The following KHNYN variants were observed in gnomAD, a reference collection of about 807,000 sequenced individuals.
KHNYN encodes the protein protein KHNYN.
KHNYN carries 42 observed loss-of-function variants against 62.7 expected under a neutral mutation model. That is an observed-to-expected ratio of 0.67 (90% CI 0.52 to 0.87). The LOEUF (loss-of-function observed/expected upper bound fraction) is 0.87, where lower values mean the gene tolerates loss of function less well. Among genes scored for constraint, KHNYN ranks in the 40% least tolerant of loss-of-function variants. The pLI is 0.00. For missense variants in KHNYN, 829 were observed against 874.1 expected (o/e 0.95, Z 0.65); for synonymous variants, 347 against 345.6 (o/e 1.00, Z -0.04).
the KHNYN span, among the ~76,000 whole-genome samples, chr14:24,423,620 G>A: frequency 6.6e-6 from 1 of 152,262 alleles, no homozygotes; most frequent in East Asian, 1.9e-4. Context: ...GGGAACAGAA[G>A]CTGGCAGTGG....
chr14:24,427,337 T>G (rs1159715056), upstream of KHNYN: 2 of 181,868 alleles, frequency 1.1e-5, no homozygotes, highest in African/African-American at 4.8e-5. This position sits in a 1 kb window ranked among gnomAD's most constrained non-coding sequence, Gnocchi z 4.4. Context: ...AGATCCGTGA[T>G]GCTGGCTTTC....
rs754335531 is a variant in KHNYN at position 24,440,161 on chromosome 14, G to A, written c.*2876G>A. ...AGCCAGTGGCCAGTGTTCGCTGTGG[G>A]ATCACCTTCTGGCCCTCCAGCAGCA... is the stretch of plus-strand genomic sequence containing the variant. On this transcript the variant is annotated 3_prime_UTR_variant, in exon 8 of 8. Coordinates refer to ENST00000553935, the MANE Select transcript of KHNYN (RefSeq NM_015299.3). The A allele has an allele frequency of 6.2e-7, 1 of 1,613,748 alleles. No individual in the cohort carries two copies. Among genetic ancestry groups the A allele is most frequent in the East Asian group, 2.2e-5 (1 of 44,876 alleles).
rs759424292 is a variant in KHNYN at position 24,440,547 on chromosome 14, C to T, written c.*3262C>T. The stretch of plus-strand genomic sequence containing the variant: ...GTCCTCTCAGCCTTGAAGGAGCCCA[C>T]TGCTCCTCCTGGTTTCTGTTTCCCC... On this transcript the variant is annotated 3_prime_UTR_variant, in exon 8 of 8. Transcript: ENST00000553935. 73 of 1,528,216 alleles carry T rather than the reference C, an allele frequency of 4.8e-5. No homozygotes were observed. The highest frequency in any genetic ancestry group is 6.9e-5 in the African/African-American group (5 of 72,728). The allele number at this position is 1,528,216 out of a possible 1,614,324, so 94.7% of individuals were successfully genotyped here.
rs1427600422 is a variant in KHNYN, at chr14:24,431,765, G to T, written c.504G>T (p.Leu168=). 2.5e-6 allele frequency: 4 copies of T among 1,614,164 alleles called. No individual in the cohort carries two copies. Among genetic ancestry groups the T allele is most frequent in the Non-Finnish European group, 3.4e-6 (4 of 1,180,042 alleles). The change falls in exon 3 of 8, where the codon CTG becomes CTT. Residue 168 remains leucine (L), a synonymous_variant. Coordinates refer to ENST00000553935, the MANE Select transcript of KHNYN (RefSeq NM_015299.3). ...TGVLRDFSAL[L]QSPGDAHREA... ...TGCTGAGAGACTTCTCTGCCCTGCT[G>T]CAGTCCCCGGGGGATGCCCATAGAG... is the stretch of plus-strand genomic sequence containing the variant.
rs763149727 is a variant in KHNYN at position 24,432,467 on chromosome 14, A to G, written c.1206A>G (p.Arg402=). The change falls in exon 3 of 8, where the codon CGA becomes CGG. Residue 402 remains arginine, a synonymous_variant. Coordinates refer to ENST00000553935, the MANE Select transcript of KHNYN (RefSeq NM_015299.3). This position sits in a 1 kb window ranked among gnomAD's most constrained non-coding sequence, Gnocchi z 5.6. Reference sequence around the variant, plus strand: ...GGGGTCGGGGGCCTCAATGGAAACGAGGCGCCCGAGGGGGCAACTTGGTGA... The same window carrying G: ...GGGGTCGGGGGCCTCAATGGAAACGGGGCGCCCGAGGGGGCAACTTGGTGA... The part of the protein sequence containing the change: ...MARGRGPQWK[R]GARGGNLVTG... 3.1e-6 allele frequency: 5 copies of G among 1,613,260 alleles called. No homozygotes were observed.
chr14:24,428,049 C>G (rs1410844233), upstream of KHNYN: 3 of 1,524,894 alleles, frequency 2.0e-6, no homozygotes, highest in African/African-American at 4.1e-5. Context: ...CCCCACTTTC[C>G]CAGGAGCTTC....
Position 24,432,009 on chromosome 14 carries a change from G to A in KHNYN, c.748G>A (p.Gly250Arg). The change falls in exon 3 of 8, where the codon GGA (glycine) becomes AGA (arginine). Residue 250 changes from glycine to arginine, a missense_variant. Transcript: ENST00000553935. This position sits in a 1 kb window ranked among gnomAD's most constrained non-coding sequence, Gnocchi z 5.6. ...ACCCGGAGATTGCAGGGGAGCAAGG[G>A]GAGACACTTACGCTGTGGAGAAGGA... Reference protein sequence around the residue: ...MGPGDCRGARGDTYAVEKEGG... With the variant: ...MGPGDCRGARRDTYAVEKEGG... The A allele has an allele frequency of 6.2e-7, 1 of 1,610,886 alleles. No homozygotes were observed. The highest frequency in any genetic ancestry group is 8.5e-7 in the Non-Finnish European group (1 of 1,177,924).
Position 24,431,528 on chromosome 14 carries a change from C to G in KHNYN, c.267C>G (p.His89Gln), listed in dbSNP as rs201885994. The stretch of plus-strand genomic sequence containing the variant: ...AAATCCACTACCCGCCCAAACTGCA[C>G]TGCATCTTTCTGGGAGCCCAGGGCT... Reference protein sequence around the residue: ...QDEIHYPPKLHCIFLGAQGFF... With the variant: ...QDEIHYPPKLQCIFLGAQGFF... Residue 89 changes from histidine (H) to glutamine (Q), a missense_variant, in exon 3 of 8, where the codon CAC becomes CAG. Around this residue, in one of 2 missense-constraint regions of KHNYN, gnomAD observed 559 missense variants for 527.0 expected, o/e 1.06. Coordinates refer to ENST00000553935, the MANE Select transcript of KHNYN (RefSeq NM_015299.3). 1 of 1,610,208 alleles carries G rather than the reference C, an allele frequency of 6.2e-7. No individual in the cohort carries two copies. Among genetic ancestry groups the G allele is most frequent in the Non-Finnish European group, 8.5e-7 (1 of 1,176,964 alleles).
Position 24,441,593 on chromosome 14 carries a change from C to G in KHNYN, c.*4308C>G. On this transcript the variant is annotated 3_prime_UTR_variant, in exon 8 of 8. Coordinates refer to ENST00000553935, the MANE Select transcript of KHNYN (RefSeq NM_015299.3). ...ATTTTGCCTGGAAAAGACCAGTGCTCTGGTGTGTGCATAGCTACAGAGGTC... is the reference window on the plus strand; with the variant it reads ...ATTTTGCCTGGAAAAGACCAGTGCTGTGGTGTGTGCATAGCTACAGAGGTC... 8.2e-7 allele frequency: 1 copy of G among 1,222,762 alleles called. No homozygotes were observed. Among genetic ancestry groups the G allele is most frequent in the Non-Finnish European group, 1.1e-6 (1 of 875,368 alleles). 75.7% of individuals were successfully genotyped at this position (1,222,762 alleles called of 1,614,324 possible).
chr14:24,431,790 GA>G lies in KHNYN; in HGVS notation c.530del (p.Glu177GlyfsTer15). The G allele has an allele frequency of 2.5e-6, 4 of 1,614,168 alleles. No homozygotes were observed. Among genetic ancestry groups the G allele is most frequent in the Non-Finnish European group, 3.4e-6 (4 of 1,180,056 alleles). ...GCAGTCCCCGGGGGATGCCCATAGAGAGGCTCTGTTGCAGTTGCCCCTGGCT... is the reference window on the plus strand; with the variant it reads ...GCAGTCCCCGGGGGATGCCCATAGAGGGCTCTGTTGCAGTTGCCCCTGGCT... ...LLQSPGDAHR[E>X]ALLQLPLAVQ... On this transcript the variant is annotated frameshift_variant, in exon 3 of 8. Coordinates refer to ENST00000553935, the MANE Select transcript of KHNYN (RefSeq NM_015299.3). LOFTEE classifies it high-confidence loss of function.
chr14:24,430,430 G>A (rs1389917986), intron 1 of KHNYN: 2 of 1,229,886 alleles, frequency 1.6e-6, no homozygotes. Flanking sequence ...TCCAGGCCGA[G>A]CTGGAGCCCC....
Position 24,436,507 on chromosome 14 carries a change from CTACT to C in KHNYN, c.1787+22_1787+25del. On this transcript the variant is annotated intron_variant, in intron 7 of 7. Transcript: ENST00000553935. ...CCAGCCAGGTAATCAATCCCCTAGA[CTACT>C]TACAGGCAGCCCCCACCCCTGGCCC... 1 of 1,582,244 alleles carries C rather than the reference CTACT, an allele frequency of 6.3e-7. No homozygotes were observed. Among genetic ancestry groups the C allele is most frequent in the Non-Finnish European group, 8.6e-7 (1 of 1,156,810 alleles).
upstream of KHNYN, chr14:24,427,715 G>T: frequency 1.4e-6 from 2 of 1,387,146 alleles, no homozygotes; most frequent in Non-Finnish European, 2.0e-6. This position sits in a 1 kb window ranked among gnomAD's most constrained non-coding sequence, Gnocchi z 4.4. Context: ...TCCTGCCTCT[G>T]CTGTTTCTGG....
intron 1 of KHNYN, 181 bp downstream of exon 1, chr14:24,430,300 G>A: frequency 6.0e-6 from 4 of 664,016 alleles, no homozygotes; most frequent in Non-Finnish European, 7.5e-6. Flanking sequence ...GGGAGGGGTG[G>A]GAGTGGCTTG....
Position 24,430,055 on chromosome 14 carries a change from C to T in KHNYN, c.-82C>T. The T allele has an allele frequency of 1.0e-6, 1 of 985,410 alleles. No homozygotes were observed. Among genetic ancestry groups the T allele is most frequent in the Non-Finnish European group, 1.2e-6 (1 of 829,958 alleles). 61.0% of individuals were successfully genotyped at this position (985,410 alleles called of 1,614,324 possible). On this transcript the variant is annotated 5_prime_UTR_variant, in exon 1 of 8. Transcript: ENST00000553935. Reference sequence around the variant, plus strand: ...CTGCCCTTGTCCCCTGGGCTGGGGGCGCGGGCAAAGCGGGGGCCTGGCGGG... The same window carrying T: ...CTGCCCTTGTCCCCTGGGCTGGGGGTGCGGGCAAAGCGGGGGCCTGGCGGG...
At position 24,430,825 on chromosome 14, in the gene KHNYN, A is replaced by T. The variant is rs1367422204; in HGVS notation, c.95A>T (p.Glu32Val). ...GTTCGGGAACAGCAGCCCCATGTGGAGCGCATCTTCAGCGTGGGGGTGAGC... is the reference window on the plus strand; with the variant it reads ...GTTCGGGAACAGCAGCCCCATGTGGTGCGCATCTTCAGCGTGGGGGTGAGC... ...NKVREQQPHV[E>V]RIFSVGVSVL... The change falls in exon 2 of 8, where the codon GAG (glutamate) becomes GTG (valine). Residue 32 changes from glutamate to valine, a missense_variant. Physicochemically the swap from Glu to Val is moderately radical, Grantham distance 121. Coordinates refer to ENST00000553935, the MANE Select transcript of KHNYN (RefSeq NM_015299.3). 1 of 1,613,006 alleles carries T rather than the reference A, an allele frequency of 6.2e-7. No individual in the cohort carries two copies. Among genetic ancestry groups the T allele is most frequent in the East Asian group, 2.2e-5 (1 of 44,826 alleles).
chr14:24,436,021 C>A, intron 5 of KHNYN, 51 bp from the exon 6 acceptor site: 1 of 1,342,084 alleles, frequency 7.5e-7, no homozygotes, highest in Non-Finnish European at 1.1e-6. Context: ...AACATTGTAC[C>A]CAGTAGGTAA....
intron 5 of KHNYN, chr14:24,435,454 C>T (rs2043190760): frequency 6.5e-6 from 1 of 152,714 alleles, no homozygotes; most frequent in African/African-American, 2.4e-5. Context: ...GCAGGGGAGA[C>T]TGGAGGGTGG....
intron 1 of KHNYN, chr14:24,430,437 C>A: frequency 8.1e-7 from 1 of 1,238,824 alleles, no homozygotes; most frequent in Non-Finnish European, 1.0e-6. Flanking sequence ...CGAGCTGGAG[C>A]CCCCCCACCC....
Sources: gnomAD v4.1 joint callset for allele counts (sites outside exome capture counted in the v4.1 genomes callset) on GRCh38, gnomAD v4.1.1 for gene constraint, gnomAD v4.1.1 regional missense constraint, Gnocchi (gnomAD v3.1) non-coding constraint, MANE v1.5 for transcripts, NCBI Gene and HGNC (gene_info 2026-07-23, HGNC 2026-07-21) for gene names.